Variants in SLCO5A1 observed in about 807,000 individuals in gnomAD.
SLCO5A1 encodes organic anion transporter polypeptide-related protein 4.
A neutral mutation model predicts 65.1 loss-of-function variants in SLCO5A1; 39 were observed. The observed-to-expected ratio is 0.60, with a 90% CI of 0.46 to 0.78. The LOEUF is 0.78. Among genes scored for constraint, SLCO5A1 ranks in the 30% least tolerant of loss-of-function variants. SLCO5A1 has a pLI of 0.00. For synonymous variants in SLCO5A1, 438 were observed against 415.7 expected (o/e 1.05, Z -0.65); for missense variants, 1,029 against 1,069.4 (o/e 0.96, Z 0.53).
intron 6 of SLCO5A1, among the ~76,000 whole-genome samples, chr8:69,699,063 G>A (rs562303094): frequency 5.9e-5 from 9 of 152,184 alleles, no homozygotes; most frequent in Non-Finnish European, 8.8e-5. Context: ...ATCAAGGCAA[G>A]TAGCAAGAGA....
intron 2 of SLCO5A1, among the ~76,000 whole-genome samples, chr8:69,771,959 A>G (rs1182484675): frequency 6.6e-6 from 1 of 152,180 alleles, no homozygotes; most frequent in Non-Finnish European, 1.5e-5. Flanking sequence ...GGAGGGTCCT[A>G]TGGGTTGACC....
intron 4 of SLCO5A1, among the ~76,000 whole-genome samples, chr8:69,755,221 TA>T (rs757486285): frequency 6.6e-6 from 1 of 152,166 alleles, no homozygotes; most frequent in Non-Finnish European, 1.5e-5. Flanking sequence ...ATACAAAATA[TA>T]ACCTTAATTT....
intron 2 of SLCO5A1, among the ~76,000 whole-genome samples, chr8:69,823,992 A>G (rs2130922951): frequency 6.6e-6 from 1 of 152,366 alleles, no homozygotes; most frequent in Non-Finnish European, 1.5e-5. Context: ...CTGCTCCACT[A>G]CATGGAAACA....
At chr8:69,806,418 G>C (rs190812065) in intron 2 of SLCO5A1, among the ~76,000 whole-genome samples, 72 of 152,306 alleles carry the variant, frequency 4.7e-4, no homozygotes, top group African/African-American at 1.6e-3. Flanking sequence ...TTCCTGCTAG[G>C]ACCCGGCATT....
chr8:69,773,171 C>G lies in SLCO5A1; in HGVS notation c.908-11296G>C, dbSNP rs554802542. 5.9e-5 allele frequency among the ~76,000 whole-genome samples: 9 copies of G among 152,324 alleles called. No individual in the cohort carries two copies. In the South Asian group the frequency reaches 1.9e-3, roughly 32 times the overall value. On this transcript the variant is annotated intron_variant, in intron 2 of 9. Transcript: ENST00000260126. ...AAGAGTGACCACCATCGCCTGCACC[C>G]TAGGCCCATCCTGTGGCTTTGATGC... is the stretch of plus-strand genomic sequence containing the variant.
intron 3 of SLCO5A1, among the ~76,000 whole-genome samples, chr8:69,757,184 T>C (rs1443994117): frequency 2.6e-5 from 4 of 152,186 alleles, no homozygotes; most frequent in Admixed American, 6.5e-5. Flanking sequence ...TATTTAAAGT[T>C]ACATCAAATG....
intron 4 of SLCO5A1, among the ~76,000 whole-genome samples, chr8:69,754,951 C>T (rs1817479305): frequency 6.6e-6 from 1 of 152,114 alleles, no homozygotes; most frequent in Non-Finnish European, 1.5e-5. Flanking sequence ...TCAAACCACA[C>T]TGCCAAAGCC....
intron 5 of SLCO5A1, among the ~76,000 whole-genome samples, chr8:69,722,873 T>C (rs936516427): frequency 1.6e-4 from 24 of 151,920 alleles, no homozygotes; most frequent in Admixed American, 1.4e-3. Context: ...GGAACATACA[T>C]ACGCATCAAT....
intron 2 of SLCO5A1, among the ~76,000 whole-genome samples, chr8:69,767,554 C>T (rs916609641): frequency 6.6e-6 from 1 of 152,068 alleles, no homozygotes; most frequent in Non-Finnish European, 1.5e-5. Flanking sequence ...GGAGTTAATA[C>T]CTGTAAAGCA....
chr8:69,706,447 T>G (rs1333667819), intron 5 of SLCO5A1, among the ~76,000 whole-genome samples: 3 of 152,142 alleles, frequency 2.0e-5, no homozygotes, highest in African/African-American at 7.2e-5. Flanking sequence ...GTTCACATGA[T>G]GAAATCCTAA....
At chr8:69,777,296 A>G (rs1214389016) in intron 2 of SLCO5A1, among the ~76,000 whole-genome samples, 3 of 152,222 alleles carry the variant, frequency 2.0e-5, no homozygotes, top group Non-Finnish European at 4.4e-5. Context: ...GAAAGCAGAC[A>G]TAAAAGAGTA....
chr8:69,740,283 C>A (rs1816740776), intron 4 of SLCO5A1, among the ~76,000 whole-genome samples: 1 of 152,150 alleles, frequency 6.6e-6, no homozygotes, highest in Non-Finnish European at 1.5e-5. Flanking sequence ...AGGGTTGTAC[C>A]TTTGGTTGGT....
intron 4 of SLCO5A1, among the ~76,000 whole-genome samples, chr8:69,742,286 C>T (rs922074060): frequency 6.6e-6 from 1 of 152,070 alleles, no homozygotes; most frequent in African/African-American, 2.4e-5. Flanking sequence ...CAACCAAATA[C>T]TTAATTTTTA....
At chr8:69,824,845 T>C (rs1044760734) in intron 2 of SLCO5A1, among the ~76,000 whole-genome samples, 10 of 152,154 alleles carry the variant, frequency 6.6e-5, no homozygotes, top group African/African-American at 2.4e-4. Context: ...TTTACACCAA[T>C]ATCCTTGATG....
chr8:69,729,712 G>T (rs1211028963), intron 5 of SLCO5A1, among the ~76,000 whole-genome samples: 2 of 152,248 alleles, frequency 1.3e-5, no homozygotes, highest in East Asian at 3.9e-4. Flanking sequence ...GAGCGTGTGT[G>T]TGTGTGAGAG....
rs551932917 is a variant in SLCO5A1 at position 69,691,893 on chromosome 8, A to T, written c.1623-9550T>A. ...ACGGCATATTTGTGTACTGAATACCATAGGCAATTACAACACAATGGCAAG... is the reference window on the plus strand; with the variant it reads ...ACGGCATATTTGTGTACTGAATACCTTAGGCAATTACAACACAATGGCAAG... On this transcript the variant is annotated intron_variant, in intron 6 of 9. Coordinates refer to ENST00000260126, the MANE Select transcript of SLCO5A1 (RefSeq NM_030958.3). 7.2e-5 allele frequency among the ~76,000 whole-genome samples: 11 copies of T among 152,334 alleles called. No individual in the cohort carries two copies. The South Asian group carries it at 2.3e-3, about 32-fold the overall frequency.
intron 6 of SLCO5A1, among the ~76,000 whole-genome samples, chr8:69,701,987 C>A (rs1814758842): frequency 6.6e-6 from 1 of 152,102 alleles, no homozygotes; most frequent in African/African-American, 2.4e-5. Context: ...ACAAATAATA[C>A]CTTAGTTTGA....
chr8:69,814,354 G>A (rs1292464572), intron 2 of SLCO5A1, among the ~76,000 whole-genome samples: 3 of 152,080 alleles, frequency 2.0e-5, no homozygotes, highest in Non-Finnish European at 4.4e-5. Flanking sequence ...TTAAAAAATA[G>A]GCAAGGGACT....
At chr8:69,786,170 T>C (rs1057193998) in intron 2 of SLCO5A1, among the ~76,000 whole-genome samples, 2 of 152,170 alleles carry the variant, frequency 1.3e-5, no homozygotes, top group Non-Finnish European at 2.9e-5. Context: ...TATAAAAATG[T>C]CAACTGTGAT....
Sources: gnomAD v4.1 joint callset for allele counts (sites outside exome capture counted in the v4.1 genomes callset) on GRCh38, gnomAD v4.1.1 for gene constraint, MANE v1.5 for transcripts, NCBI Gene and HGNC (gene_info 2026-07-23, HGNC 2026-07-21) for gene names.